The following PLEKHA6 variants were observed in gnomAD, a reference collection of about 807,000 sequenced individuals.
PLEKHA6 encodes the protein pleckstrin homology domain-containing family A member 6.
PLEKHA6 carries 60 observed loss-of-function variants against 116.7 expected under a neutral mutation model. The observed-to-expected ratio is 0.51, with a 90% CI of 0.42 to 0.64. The LOEUF is 0.64. PLEKHA6 is among the 30% of genes least tolerant of loss of function. PLEKHA6 has a pLI of 0.00. For missense variants in PLEKHA6, 1,338 were observed against 1,422.7 expected (o/e 0.94, Z 0.96); for synonymous variants, 489 against 556.1 (o/e 0.88, Z 1.70).
At chr1:204,328,485 C>T (rs1572187378) in intron 1 of PLEKHA6, among the ~76,000 whole-genome samples, 3 of 151,952 alleles carry the variant, frequency 2.0e-5, no homozygotes, top group East Asian at 3.9e-4. Context: ...CAACCTCTGC[C>T]TCTCGGGTTT....
At chr1:204,326,044 C>T (rs1672231380) in intron 1 of PLEKHA6, 1 of 255,486 alleles carries the variant, frequency 3.9e-6, no homozygotes, top group Non-Finnish European at 6.2e-6. Flanking sequence ...GGGAGCCATG[C>T]TTCCCCTGGC....
In PLEKHA6 at chr1:204,270,386, C is replaced by G. The variant is rs137893035; in HGVS notation, c.103-2074G>C. On this transcript the variant is annotated intron_variant, in intron 3 of 22. Coordinates refer to ENST00000272203, the MANE Select transcript of PLEKHA6 (RefSeq NM_014935.5). Reference sequence around the variant, plus strand: ...TATAGCCAAGACCTGTCTTCCAGCTCAACCCATTTTATGCCTGCTTGTCTG... The same window carrying G: ...TATAGCCAAGACCTGTCTTCCAGCTGAACCCATTTTATGCCTGCTTGTCTG... 2.0e-3 allele frequency among the ~76,000 whole-genome samples: 307 copies of G among 152,304 alleles called. 1 individual carries two copies. Among genetic ancestry groups the G allele is most frequent in the African/African-American group, 6.3e-3 (262 of 41,570 alleles).
chr1:204,229,228 C>A, intron 18 of PLEKHA6, 124 bp from the exon 19 acceptor site: 1 of 869,594 alleles, frequency 1.1e-6, no homozygotes, highest in Non-Finnish European at 1.8e-6. Context: ...ACTGCTCCCA[C>A]CATACCCCAC....
intron 1 of PLEKHA6, among the ~76,000 whole-genome samples, chr1:204,300,637 G>A (rs1670724726): frequency 6.6e-6 from 1 of 152,198 alleles, no homozygotes; most frequent in Non-Finnish European, 1.5e-5. Flanking sequence ...AGATGTCAAA[G>A]TCAGAGCTCC....
In PLEKHA6 at chr1:204,359,752, C is replaced by A. The variant is rs1206590197; in HGVS notation, c.-153G>T. 1 of 953,414 alleles carries A rather than the reference C, an allele frequency of 1.0e-6. No homozygotes were observed. Among genetic ancestry groups the A allele is most frequent in the African/African-American group, 1.8e-5 (1 of 56,802 alleles). 59.1% of individuals were successfully genotyped at this position (953,414 alleles called of 1,614,324 possible). A position where few individuals can be genotyped will look rare whatever the true frequency, so the allele number is the denominator to read the frequency against. On this transcript the variant is annotated 5_prime_UTR_variant, in exon 1 of 23. Coordinates refer to ENST00000272203, the MANE Select transcript of PLEKHA6 (RefSeq NM_014935.5). ...CTCTAACTCTGCGAGCCCCAAGGCA[C>A]CCCTCCCCCCAGCTCAGGCCAGCTG...
At chr1:204,374,681 C>T (rs982845574) in intron 1 of PLEKHA6, among the ~76,000 whole-genome samples, 1 of 152,146 alleles carries the variant, frequency 6.6e-6, no homozygotes, top group East Asian at 1.9e-4. Flanking sequence ...TTTATAGGGT[C>T]CATCCCTTTA....
intron 1 of PLEKHA6, among the ~76,000 whole-genome samples, chr1:204,352,486 C>T (rs1673311677): frequency 6.6e-6 from 1 of 152,180 alleles, no homozygotes; most frequent in South Asian, 2.1e-4. Flanking sequence ...AGTCTCCTAA[C>T]AGGATAGCTT....
At chr1:204,360,365 G>A (rs371654058), upstream of PLEKHA6, among the ~76,000 whole-genome samples, 54 of 149,820 alleles carry the variant, frequency 3.6e-4, no homozygotes, top group African/African-American at 1.3e-3. Flanking sequence ...CTGGGGCCCT[G>A]GGGCCTCCCC....
Position 204,219,275 on chromosome 1 carries a change from T to A in PLEKHA6, c.*3513A>T, listed in dbSNP as rs964630057. The A allele has an allele frequency of 6.6e-6, 1 of 151,956 alleles. No homozygotes were observed. The highest frequency in any genetic ancestry group is 2.1e-4 in the South Asian group (1 of 4,780). 9.4% of individuals were successfully genotyped at this position (151,956 alleles called of 1,614,324 possible). ...TATATATATATAATGTGTGTGTATA[T>A]CATATTTTTTCTTAGTTTTAAGAGC... On this transcript the variant is annotated 3_prime_UTR_variant, in exon 23 of 23. Transcript: ENST00000272203.
intron 1 of PLEKHA6, among the ~76,000 whole-genome samples, chr1:204,305,176 A>G (rs1671175788): frequency 1.3e-5 from 2 of 152,218 alleles, no homozygotes; most frequent in Non-Finnish European, 2.9e-5. Flanking sequence ...GAGGGGGCCC[A>G]GAGAGGACTG....
intron 1 of PLEKHA6, among the ~76,000 whole-genome samples, chr1:204,372,762 G>A (rs926314453): frequency 2.0e-5 from 3 of 150,720 alleles, no homozygotes; most frequent in Admixed American, 2.0e-4. Flanking sequence ...CCAACCCCAA[G>A]CTCTTTCTAT....
intron 1 of PLEKHA6, among the ~76,000 whole-genome samples, chr1:204,335,706 T>A (rs1672623424): frequency 1.3e-5 from 2 of 152,036 alleles, no homozygotes; most frequent in African/African-American, 2.4e-5. Context: ...GTCATGTCAT[T>A]CCCTCCCCTT....
intron 1 of PLEKHA6, among the ~76,000 whole-genome samples, chr1:204,341,238 G>T (rs114264214): frequency 2.0e-5 from 3 of 152,204 alleles, no homozygotes; most frequent in Non-Finnish European, 2.9e-5. Context: ...TCCTGGCTTC[G>T]CACTAGAATT....
intron 1 of PLEKHA6, among the ~76,000 whole-genome samples, chr1:204,297,621 G>C (rs35457431): frequency 6.6e-6 from 1 of 151,588 alleles, no homozygotes. Context: ...AACAGGGGGG[G>C]TGGGTAACAG....
chr1:204,235,713 G>A (rs560330457), intron 17 of PLEKHA6, among the ~76,000 whole-genome samples: 1 of 133,094 alleles, frequency 7.5e-6, no homozygotes, highest in African/African-American at 2.9e-5. Context: ...ACATGTAGGA[G>A]GACCCTGATG....
In PLEKHA6 at chr1:204,222,261, C is replaced by T. The variant is rs774848578; in HGVS notation, c.*527G>A. ...CAAAGCACTGGGTTTGTGTCAAAGC[C>T]CTGGGTCCAGCTGAGGCAGTAGGGT... On this transcript the variant is annotated 3_prime_UTR_variant, in exon 23 of 23. Coordinates refer to ENST00000272203, the MANE Select transcript of PLEKHA6 (RefSeq NM_014935.5). The T allele has an allele frequency of 2.1e-4, 32 of 152,698 alleles. No homozygotes were observed. The highest frequency in any genetic ancestry group is 4.4e-5 in the Non-Finnish European group (3 of 68,186). The allele number at this position is 152,698 out of a possible 1,614,324, so 9.5% of individuals were successfully genotyped here.
In PLEKHA6 at chr1:204,261,367, C is replaced by G. The variant is rs768992797; in HGVS notation, c.463G>C (p.Glu155Gln). The change falls in exon 7 of 23, where the codon GAG (glutamate) becomes CAG (glutamine). Residue 155 changes from glutamate to glutamine, a missense_variant. Glu to Gln is a conservative substitution (Grantham distance 29). This residue lies in a region of PLEKHA6 where 140 missense variants were observed against 197.4 expected (regional missense o/e 0.71). Coordinates refer to ENST00000272203, the MANE Select transcript of PLEKHA6 (RefSeq NM_014935.5). This position sits in a 1 kb window ranked among gnomAD's most constrained non-coding sequence, Gnocchi z 4.0. ...GGAGGGATCTGTACTCGAGCAGCCT[C>G]CCCCATGGCCTGGATCCAGGCCTCT... is the stretch of plus-strand genomic sequence containing the variant. The part of the protein sequence containing the change: ...EQEAWIQAMG[E>Q]AARVQIPPAQ... The G allele has an allele frequency of 6.2e-7, 1 of 1,614,134 alleles. No homozygotes were observed. The highest frequency in any genetic ancestry group is 2.2e-5 in the East Asian group (1 of 44,882).
At chr1:204,242,891 C>T (rs1663034620) in intron 15 of PLEKHA6, among the ~76,000 whole-genome samples, 1 of 152,226 alleles carries the variant, frequency 6.6e-6, no homozygotes, top group Non-Finnish European at 1.5e-5. Flanking sequence ...AACTCATGTC[C>T]CCATCACCTA....
chr1:204,235,543 C>T (rs562017318), intron 17 of PLEKHA6, among the ~76,000 whole-genome samples: 2 of 152,302 alleles, frequency 1.3e-5, no homozygotes, highest in South Asian at 4.1e-4. Flanking sequence ...TGTGTAAAAA[C>T]AGACACAAGC....
Sources: gnomAD v4.1 joint callset for allele counts (sites outside exome capture counted in the v4.1 genomes callset) on GRCh38, gnomAD v4.1.1 for gene constraint, gnomAD v4.1.1 regional missense constraint, Gnocchi (gnomAD v3.1) non-coding constraint, MANE v1.5 for transcripts, NCBI Gene and HGNC (gene_info 2026-07-23, HGNC 2026-07-21) for gene names.